TCF12: variants seen among roughly 807,000 people sequenced by gnomAD.
TCF12 encodes the protein transcription factor 12.
Under a neutral mutation model 86.0 loss-of-function variants are expected in TCF12, and 45 were observed. That is an observed-to-expected ratio of 0.52 (90% CI 0.41 to 0.67). The LOEUF (loss-of-function observed/expected upper bound fraction) is 0.67. TCF12 is among the 30% of genes least tolerant of loss of function. The pLI is 0.00. For missense variants in TCF12, 881 were observed against 859.9 expected (o/e 1.02, Z -0.31); for synonymous variants, 330 against 299.6 (o/e 1.10, Z -1.05).
At chr15:57,018,735 C>A (rs1197228239) in intron 3 of TCF12, among the ~76,000 whole-genome samples, 3 of 151,992 alleles carry the variant, frequency 2.0e-5, no homozygotes, top group Non-Finnish European at 4.4e-5. Context: ...GCCACTGTGC[C>A]CTAGCCGGGG....
intron 19 of TCF12, among the ~76,000 whole-genome samples, chr15:57,273,923 G>A (rs540447865): frequency 6.6e-6 from 1 of 152,242 alleles, no homozygotes; most frequent in South Asian, 2.1e-4. Flanking sequence ...AACTTCATTT[G>A]TTCAACATGT....
intron 4 of TCF12, among the ~76,000 whole-genome samples, chr15:57,079,321 C>T (rs2070418768): frequency 6.6e-6 from 1 of 151,986 alleles, no homozygotes; most frequent in Non-Finnish European, 1.5e-5. Context: ...TGTTTTCATA[C>T]CATGTTATAT....
chr15:57,144,471 A>G (rs570348352), intron 5 of TCF12, among the ~76,000 whole-genome samples: 2 of 152,368 alleles, frequency 1.3e-5, no homozygotes, highest in African/African-American at 4.8e-5. Flanking sequence ...GTAGCATTTA[A>G]TTACATAAAT....
intron 3 of TCF12, among the ~76,000 whole-genome samples, chr15:57,037,438 C>CAAACAAAG (rs1483179817): frequency 7.6e-6 from 1 of 130,746 alleles, no homozygotes; most frequent in African/African-American, 3.1e-5. Flanking sequence ...CTCAAAAAAA[C>CAAACAAAG]AAACAAACAA....
chr15:57,162,394 C>T (rs1278725295), intron 5 of TCF12, among the ~76,000 whole-genome samples: 1 of 152,038 alleles, frequency 6.6e-6, no homozygotes, highest in Non-Finnish European at 1.5e-5. Context: ...AAATGAATGC[C>T]TCCTAAGTCT....
chr15:57,137,778 C>G (rs2052659593), intron 5 of TCF12, among the ~76,000 whole-genome samples: 1 of 152,112 alleles, frequency 6.6e-6, no homozygotes, highest in African/African-American at 2.4e-5. Context: ...CCCGTAATCC[C>G]AGCACTTTGA....
chr15:57,276,579 C>T (rs1004500581), intron 19 of TCF12, among the ~76,000 whole-genome samples: 10 of 151,770 alleles, frequency 6.6e-5, no homozygotes, highest in South Asian at 4.2e-4. Flanking sequence ...TTAAATGCCC[C>T]GAAGTTAAAA....
At chr15:57,066,022 G>A (rs1316836040) in intron 4 of TCF12, among the ~76,000 whole-genome samples, 2 of 151,970 alleles carry the variant, frequency 1.3e-5, no homozygotes, top group South Asian at 2.1e-4. Context: ...CCTAGTCATC[G>A]TCTAAACCTA....
chr15:56,926,384 A>G (rs576850183), intron 3 of TCF12, among the ~76,000 whole-genome samples: 78 of 152,328 alleles, frequency 5.1e-4, no homozygotes, highest in African/African-American at 1.9e-3. Context: ...CTTCTCTAAC[A>G]TAGAAAATGT....
intron 3 of TCF12, among the ~76,000 whole-genome samples, chr15:57,034,249 A>G (rs1386818828): frequency 2.0e-5 from 3 of 152,158 alleles, no homozygotes; most frequent in African/African-American, 7.2e-5. Context: ...TAAATAAACT[A>G]TTATATTGTG....
intron 3 of TCF12, among the ~76,000 whole-genome samples, chr15:56,931,223 C>G (rs1016355836): frequency 2.0e-5 from 3 of 152,026 alleles, no homozygotes; most frequent in Non-Finnish European, 4.4e-5. Flanking sequence ...GGAATATAAG[C>G]TTTTCAGGCT....
chr15:57,142,432 C>A (rs1360677244), intron 5 of TCF12, among the ~76,000 whole-genome samples: 1 of 42,322 alleles, frequency 2.4e-5, no homozygotes. Flanking sequence ...GAGCCTGGAG[C>A]AGCATCTTGT....
chr15:57,061,422 C>CT (rs1424060408), intron 3 of TCF12, among the ~76,000 whole-genome samples: 1 of 152,022 alleles, frequency 6.6e-6, no homozygotes, highest in African/African-American at 2.4e-5. Context: ...GTGTAAGACT[C>CT]TGTCTCTACA....
In TCF12 at chr15:57,254,210, C is replaced by T. The variant is rs897186202; in HGVS notation, c.1467+742C>T. Among the ~76,000 whole-genome samples the T allele has an allele frequency of 7.9e-5, 12 of 152,212 alleles. 1 individual carries two copies. In the South Asian group the frequency reaches 1.0e-3, roughly 13 times the overall value. The stretch of plus-strand genomic sequence containing the variant: ...TTGCATGCTGTGAAATGTTCTTCTA[C>T]GAAGCAGATTTTTAGCTATAAGCCA... On this transcript the variant is annotated intron_variant, in intron 16 of 20. Transcript: ENST00000333725.
intron 5 of TCF12, among the ~76,000 whole-genome samples, chr15:57,129,517 A>G (rs573994298): frequency 1.3e-5 from 2 of 152,340 alleles, no homozygotes; most frequent in Admixed American, 1.3e-4. Flanking sequence ...GCGCCACTGC[A>G]TTCCAACCCT....
intron 13 of TCF12, among the ~76,000 whole-genome samples, chr15:57,246,299 A>G (rs2059855914): frequency 6.6e-6 from 1 of 152,182 alleles, no homozygotes; most frequent in Non-Finnish European, 1.5e-5. Flanking sequence ...GGAACTTTTC[A>G]GGTCAAGAGC....
At chr15:56,963,339 C>G (rs1329747571) in intron 3 of TCF12, among the ~76,000 whole-genome samples, 1 of 152,160 alleles carries the variant, frequency 6.6e-6, no homozygotes, top group African/African-American at 2.4e-5. Flanking sequence ...GGTTTTTCCA[C>G]ATGTGCCATT....
chr15:57,203,409 G>A (rs2057653105), intron 8 of TCF12, among the ~76,000 whole-genome samples: 1 of 152,074 alleles, frequency 6.6e-6, no homozygotes, highest in Non-Finnish European at 1.5e-5. Flanking sequence ...TTTATGTGCT[G>A]CAGTAGATAA....
At chr15:56,986,344 T>A (rs1224424659) in intron 3 of TCF12, among the ~76,000 whole-genome samples, 1 of 152,190 alleles carries the variant, frequency 6.6e-6, no homozygotes, top group Admixed American at 6.5e-5. Context: ...AATTTGAGCT[T>A]CTGTTGATAA....
Sources: gnomAD v4.1 joint callset for allele counts (sites outside exome capture counted in the v4.1 genomes callset) on GRCh38, gnomAD v4.1.1 for gene constraint, MANE v1.5 for transcripts, NCBI Gene and HGNC (gene_info 2026-07-23, HGNC 2026-07-21) for gene names.